Variants in SLC14A2 observed in about 807,000 individuals in gnomAD.
SLC14A2 encodes the protein solute carrier family 14 member 2.
SLC14A2 carries 91 observed loss-of-function variants against 104.6 expected under a neutral mutation model. The observed-to-expected ratio is 0.87, with a 90% CI of 0.73 to 1.04. The LOEUF (loss-of-function observed/expected upper bound fraction) is 1.04. SLC14A2 is among the 50% of genes least tolerant of loss of function. The probability of loss-of-function intolerance (pLI) is 0.00; values close to 1 mark genes in which losing one functional copy is unlikely to be tolerated. For missense variants in SLC14A2, 1,189 were observed against 1,156.0 expected, an observed-to-expected ratio of 1.03 and a Z score of -0.41; for synonymous variants, 476 against 466.4, an observed-to-expected ratio of 1.02 and a Z score of -0.27.
At chr18:45,199,202 C>T in the SLC14A2 span, among the ~76,000 whole-genome samples, 1 of 152,114 alleles carries the variant, frequency 6.6e-6, no homozygotes, top group Admixed American at 6.5e-5. Flanking sequence ...TTGCAATGTC[C>T]ATATGTGGGT....
At chr18:45,396,468 T>C (rs1172786231) in intron 1 of SLC14A2, among the ~76,000 whole-genome samples, 3 of 152,166 alleles carry the variant, frequency 2.0e-5, no homozygotes, top group Admixed American at 2.0e-4. Flanking sequence ...CCCCCACTTG[T>C]CAACACATAC....
At chr18:45,527,616 G>T (rs1476748387) in intron 2 of SLC14A2, among the ~76,000 whole-genome samples, 1 of 152,142 alleles carries the variant, frequency 6.6e-6, no homozygotes, top group Non-Finnish European at 1.5e-5. Flanking sequence ...TGTGGCATTT[G>T]GAGTCCAAAG....
chr18:45,212,300 A>T (rs972483984), upstream of SLC14A2, among the ~76,000 whole-genome samples: 1 of 152,216 alleles, frequency 6.6e-6, no homozygotes, highest in Non-Finnish European at 1.5e-5. Context: ...TAGCAAGTCA[A>T]TGTGGTATGA....
At chr18:45,283,802 C>T (rs1412635725) in intron 1 of SLC14A2, among the ~76,000 whole-genome samples, 1 of 152,090 alleles carries the variant, frequency 6.6e-6, no homozygotes, top group African/African-American at 2.4e-5. Context: ...GGGTCTTACA[C>T]TCTCCCAGAG....
At chr18:45,203,044 A>C in the SLC14A2 span, among the ~76,000 whole-genome samples, 1 of 152,178 alleles carries the variant, frequency 6.6e-6, no homozygotes, top group Non-Finnish European at 1.5e-5. Flanking sequence ...TTAAGAAGCA[A>C]ATTCTCCAAT....
rs755496537 is a variant in SLC14A2, at chr18:45,641,309, C to T, written c.1092C>T (p.Leu364=). 1 of 1,614,234 alleles carries T rather than the reference C, an allele frequency of 6.2e-7. No homozygotes were observed. The highest frequency in any genetic ancestry group is 1.7e-5 in the Admixed American group (1 of 60,032). The change falls in exon 8 of 20, where the codon CTC becomes CTT. Residue 364 remains leucine (L), a synonymous_variant. Transcript: ENST00000255226. ...CCATCGGAGGCATGTTCTATGCCCT[C>T]ACCTGGCAGACTCACCTGCTGGCCC... The part of the protein sequence containing the change: ...CIAIGGMFYA[L]TWQTHLLALI...
intron 10 of SLC14A2, among the ~76,000 whole-genome samples, chr18:45,656,571 C>T (rs1455187141): frequency 6.6e-6 from 1 of 152,124 alleles, no homozygotes; most frequent in Non-Finnish European, 1.5e-5. Flanking sequence ...TACAGACATG[C>T]AATTCTGAGG....
intron 2 of SLC14A2, among the ~76,000 whole-genome samples, chr18:45,532,890 G>C (rs2043718760): frequency 6.6e-6 from 1 of 152,166 alleles, no homozygotes; most frequent in African/African-American, 2.4e-5. Flanking sequence ...CTAATTTATT[G>C]AGAGTTTTTA....
intron 2 of SLC14A2, among the ~76,000 whole-genome samples, chr18:45,538,066 G>T (rs1048070213): frequency 6.6e-6 from 1 of 152,228 alleles, no homozygotes; most frequent in Non-Finnish European, 1.5e-5. Flanking sequence ...GAGAAGCCTA[G>T]CTGGGTTTGC....
chr18:45,627,443 A>T (rs1040709693), intron 4 of SLC14A2, among the ~76,000 whole-genome samples: 1 of 152,234 alleles, frequency 6.6e-6, no homozygotes, highest in Non-Finnish European at 1.5e-5. Flanking sequence ...TGAAGGAGAC[A>T]AGATTAATAG....
At chr18:45,439,076 G>A (rs932191763) in intron 1 of SLC14A2, among the ~76,000 whole-genome samples, 3 of 152,132 alleles carry the variant, frequency 2.0e-5, no homozygotes, top group Non-Finnish European at 4.4e-5. Context: ...CTTGAGGGCC[G>A]GAGTTGGAGA....
chr18:45,522,004 T>A (rs1394045262), intron 2 of SLC14A2, among the ~76,000 whole-genome samples: 1 of 152,226 alleles, frequency 6.6e-6, no homozygotes, highest in Non-Finnish European at 1.5e-5. Context: ...CGTGCTGGAC[T>A]GGGAGTCAGC....
chr18:45,339,156 G>C (rs572247517), intron 1 of SLC14A2, among the ~76,000 whole-genome samples: 10 of 152,180 alleles, frequency 6.6e-5, no homozygotes, highest in African/African-American at 2.2e-4. Flanking sequence ...TAGAGATAGG[G>C]TTTTGCCATG....
At chr18:45,259,273 AC>A (rs1177054922) in intron 1 of SLC14A2, among the ~76,000 whole-genome samples, 2 of 152,226 alleles carry the variant, frequency 1.3e-5, no homozygotes. Context: ...AATTATGTCC[AC>A]TGTAGGGTCA....
chr18:45,189,611 ATTAT>A, the SLC14A2 span, among the ~76,000 whole-genome samples: 5 of 152,194 alleles, frequency 3.3e-5, no homozygotes. Flanking sequence ...TATTGGCAAA[ATTAT>A]TTAACCTCTC....
the SLC14A2 span, among the ~76,000 whole-genome samples, chr18:45,184,975 T>C: frequency 1.6e-4 from 25 of 152,308 alleles, no homozygotes; most frequent in Middle Eastern, 0.01. Flanking sequence ...TTAGCTTGGA[T>C]TTCCCAGAAG....
In SLC14A2 at chr18:45,271,152, A is replaced by G. The variant is rs1055742844; in HGVS notation, c.-125+57961A>G. On this transcript the variant is annotated intron_variant, in intron 1 of 20. Transcript: ENST00000586448. ...GATGCATCCACTTGAAAATCAAGTG[A>G]CATTTGCAGAGCCTAACCAAGTTAG... 2.0e-5 allele frequency among the ~76,000 whole-genome samples: 3 copies of G among 152,170 alleles called. No homozygotes were observed. The East Asian group carries it at 5.8e-4, about 29-fold the overall frequency.
At chr18:45,606,481 GCCA>G (rs1364741836) in intron 2 of SLC14A2, among the ~76,000 whole-genome samples, 2 of 152,028 alleles carry the variant, frequency 1.3e-5, no homozygotes, top group Non-Finnish European at 2.9e-5. Flanking sequence ...TACCTCCAAG[GCCA>G]CCACTGAAAC....
chr18:45,587,274 T>C (rs2044580684), intron 2 of SLC14A2, among the ~76,000 whole-genome samples: 1 of 152,178 alleles, frequency 6.6e-6, no homozygotes, highest in Admixed American at 6.5e-5. Flanking sequence ...ATTCTTTAAT[T>C]GTTAAATTAT....
Sources: allele counts gnomAD v4.1 joint callset (sites outside exome capture counted in the v4.1 genomes callset), GRCh38; gene constraint gnomAD v4.1.1; transcripts MANE v1.5; gene names NCBI Gene and HGNC (gene_info 2026-07-23, HGNC 2026-07-21).